The following ZNF695 variants were observed in gnomAD, a reference collection of about 807,000 sequenced individuals.
ZNF695 encodes zinc finger protein 695, also known as zinc finger protein SBZF3.
In ZNF695, 11 loss-of-function variants were observed where a neutral mutation model predicts 11.2. That is an observed-to-expected ratio of 0.98 (90% CI 0.62 to 1.62). ZNF695 has a LOEUF of 1.62. Ranked by LOEUF, ZNF695 falls within the 40% of genes most tolerant of loss-of-function variation. The pLI is 0.00. For missense variants in ZNF695, 559 were observed against 590.5 expected (o/e 0.95, Z 0.55); for synonymous variants, 190 against 201.4 (o/e 0.94, Z 0.48).
intron 1 of ZNF695, among the ~76,000 whole-genome samples, chr1:247,001,524 C>A (rs1166863079): frequency 2.6e-5 from 4 of 151,694 alleles, no homozygotes; most frequent in South Asian, 4.2e-4. Flanking sequence ...CCAGCCTGGC[C>A]AACATAGTGA....
intron 4 of ZNF695, among the ~76,000 whole-genome samples, chr1:246,975,645 G>A (rs1196636086): frequency 6.6e-6 from 1 of 152,220 alleles, no homozygotes; most frequent in African/African-American, 2.4e-5. Context: ...TGCAAATGCT[G>A]AGGGCTGAGG....
rs147799353 is a variant in ZNF695 at position 246,980,322 on chromosome 1, G to A, written c.390+7803C>T. On this transcript the variant is annotated intron_variant, in intron 4 of 5. Coordinates refer to the ZNF695 transcript ENST00000487338. ...TTAGTCACTTTCTAGTTATAGACCT[G>A]TACTATTTGGCTGTTATATTATACC... Among the ~76,000 whole-genome samples, 10 of 149,812 alleles carry A rather than the reference G, an allele frequency of 6.7e-5. 1 individual carries two copies. Among genetic ancestry groups the A allele is most frequent in the Non-Finnish European group, 1.2e-4 (8 of 67,856 alleles).
At chr1:246,972,666 C>T (rs1365374017) in intron 4 of ZNF695, among the ~76,000 whole-genome samples, 2 of 151,832 alleles carry the variant, frequency 1.3e-5, no homozygotes, top group Non-Finnish European at 2.9e-5. Flanking sequence ...ATTACAGACA[C>T]CTGCCACCAC....
intron 5 of ZNF695, among the ~76,000 whole-genome samples, chr1:246,957,061 G>C (rs978203002): frequency 6.6e-6 from 1 of 152,032 alleles, no homozygotes; most frequent in African/African-American, 2.4e-5. Context: ...GGTATTCTTT[G>C]TACTACTCTT....
intron 1 of ZNF695, among the ~76,000 whole-genome samples, chr1:247,004,041 T>C (rs1669466711): frequency 6.6e-6 from 1 of 152,168 alleles, no homozygotes; most frequent in African/African-American, 2.4e-5. Context: ...GGTGAAACCC[T>C]GTCTCTACTA....
chr1:246,995,064 C>A (rs978301146), intron 3 of ZNF695, among the ~76,000 whole-genome samples: 9 of 152,204 alleles, frequency 5.9e-5, no homozygotes, highest in South Asian at 2.1e-4. Context: ...CTTGAAAGCA[C>A]TATAAAACAG....
chr1:247,008,021 G>C lies in ZNF695; in HGVS notation c.-113C>G, dbSNP rs906712627. On this transcript the variant is annotated 5_prime_UTR_variant, in exon 1 of 4. Transcript: ENST00000339986. The stretch of plus-strand genomic sequence containing the variant: ...CGGGACTCTCCGAGAGGCAGCAGAC[G>C]GGAACCCAGCACCCCGCCGGCCGCA... 15 of 1,246,988 alleles carry C rather than the reference G, an allele frequency of 1.2e-5. No homozygotes were observed. The highest frequency in any genetic ancestry group is 5.7e-5 in the East Asian group (2 of 35,358). The allele number at this position is 1,246,988 out of a possible 1,614,324, so 77.2% of individuals were successfully genotyped here. A position where few individuals can be genotyped will look rare whatever the true frequency, so the allele number is the denominator to read the frequency against.
intron 3 of ZNF695, among the ~76,000 whole-genome samples, chr1:246,992,032 C>A (rs1042034359): frequency 6.6e-6 from 1 of 152,038 alleles, no homozygotes; most frequent in African/African-American, 2.4e-5. Context: ...GGCGTGGTGG[C>A]GGGCACCTGC....
At chr1:246,977,361 A>T (rs1194196537) in intron 4 of ZNF695, among the ~76,000 whole-genome samples, 1 of 152,156 alleles carries the variant, frequency 6.6e-6, no homozygotes, top group Non-Finnish European at 1.5e-5. Flanking sequence ...GGTTCAAGCG[A>T]TTCTCCTGCT....
downstream of ZNF695, among the ~76,000 whole-genome samples, chr1:246,980,614 C>T (rs1035649128): frequency 6.6e-6 from 1 of 152,000 alleles, no homozygotes; most frequent in Non-Finnish European, 1.5e-5. Context: ...GACAGGGTTT[C>T]ACCATGTTGG....
intron 1 of ZNF695, 124 bp downstream of exon 1, chr1:247,007,782 T>C: frequency 8.6e-7 from 1 of 1,165,940 alleles, no homozygotes; most frequent in South Asian, 2.6e-5. Context: ...CCAGCGGGAC[T>C]CGGCCGCACA....
chr1:246,965,419 T>C (rs1484547668), intron 5 of ZNF695, among the ~76,000 whole-genome samples: 1 of 150,074 alleles, frequency 6.7e-6, no homozygotes, highest in Non-Finnish European at 1.5e-5. Context: ...CCATTTGCCA[T>C]GTGATTTCCT....
chr1:246,982,626 A>G (rs533991604), downstream of ZNF695, among the ~76,000 whole-genome samples: 1 of 152,338 alleles, frequency 6.6e-6, no homozygotes, highest in South Asian at 2.1e-4. Flanking sequence ...AACAATGCTA[A>G]CTGCCCGATT....
At chr1:246,973,910 T>C (rs1668490239) in intron 4 of ZNF695, among the ~76,000 whole-genome samples, 1 of 152,216 alleles carries the variant, frequency 6.6e-6, no homozygotes. Flanking sequence ...TACCCTATTA[T>C]GTGTGAATGT....
At chr1:246,999,774 G>A in intron 2 of ZNF695, 138 bp downstream of exon 2, 3 of 829,704 alleles carry the variant, frequency 3.6e-6, no homozygotes, top group Non-Finnish European at 5.6e-6. Context: ...TTGATGTCAA[G>A]GCAAAACATC....
At chr1:246,964,502 G>A (rs193040332) in intron 5 of ZNF695, among the ~76,000 whole-genome samples, 2 of 152,346 alleles carry the variant, frequency 1.3e-5, no homozygotes, top group East Asian at 3.9e-4. Flanking sequence ...AAGGGTTTTA[G>A]GAACTCTATG....
chr1:246,989,008 A>G (rs989419731), intron 3 of ZNF695, among the ~76,000 whole-genome samples: 13 of 149,882 alleles, frequency 8.7e-5, no homozygotes, highest in African/African-American at 2.5e-4. Context: ...GCAGAAGAAT[A>G]GCGTGAACCC....
rs1035095256 is a variant in ZNF695, at chr1:246,954,379, T to C, written c.489-8552A>G. On this transcript the variant is annotated intron_variant, in intron 5 of 5. Transcript: ENST00000487338. ...CAGGGGAAAGGGTCCAAACTGATCTTAGACTCAGCTTTGCTTGAGTTCAGC... is the reference window on the plus strand; with the variant it reads ...CAGGGGAAAGGGTCCAAACTGATCTCAGACTCAGCTTTGCTTGAGTTCAGC... Among the ~76,000 whole-genome samples, 11 of 152,328 alleles carry C rather than the reference T, an allele frequency of 7.2e-5. No homozygotes were observed. The East Asian group carries it at 2.1e-3, about 29-fold the overall frequency.
At chr1:246,964,065 G>C (rs1668228874) in intron 5 of ZNF695, among the ~76,000 whole-genome samples, 1 of 152,170 alleles carries the variant, frequency 6.6e-6, no homozygotes, top group Non-Finnish European at 1.5e-5. Flanking sequence ...AGCCAGATGG[G>C]AGAGATGCAT....
Sources: allele counts gnomAD v4.1 joint callset (sites outside exome capture counted in the v4.1 genomes callset), GRCh38; gene constraint gnomAD v4.1.1; transcripts MANE v1.5; gene names NCBI Gene and HGNC (gene_info 2026-07-23, HGNC 2026-07-21).